The following PCDHA4 variants were observed in gnomAD, a reference collection of about 807,000 sequenced individuals.
The protein encoded by PCDHA4 is protocadherin alpha-4.
A neutral mutation model predicts 61.4 loss-of-function variants in PCDHA4; 49 were observed. That is an observed-to-expected ratio of 0.80 (90% CI 0.63 to 1.01). PCDHA4 has a LOEUF of 1.01. PCDHA4 is among the 50% of genes least tolerant of loss of function. The pLI, the probability that PCDHA4 is intolerant of heterozygous loss-of-function variation, is 0.00. For synonymous variants in PCDHA4, 590 were observed against 550.3 expected (o/e 1.07, Z -1.01); for missense variants, 1,254 against 1,235.8 (o/e 1.01, Z -0.22).
In PCDHA4 at chr5:140,917,987, A is replaced by G. The variant is rs140618239; in HGVS notation, c.2386-60962A>G. 3.9e-3 allele frequency among the ~76,000 whole-genome samples: 598 copies of G among 152,198 alleles called. 2 individuals are homozygous for G. The highest frequency in any genetic ancestry group is 5.9e-3 in the Admixed American group (90 of 15,276). ...GAATCTGTGAATTGCTTTGGACAGT[A>G]TGGTTATCTTAACAATGTTGTTTCT... On this transcript the variant is annotated intron_variant, in intron 1 of 3. Coordinates refer to ENST00000530339, the MANE Select transcript of PCDHA4 (RefSeq NM_018907.4).
At chr5:141,006,406 G>A (rs553100919) in intron 3 of PCDHA4, among the ~76,000 whole-genome samples, 1 of 152,050 alleles carries the variant, frequency 6.6e-6, no homozygotes, top group East Asian at 1.9e-4. Context: ...GTAGAGACGC[G>A]GTTTCACTGT....
intron 3 of PCDHA4, 155 bp downstream of exon 3, chr5:140,982,718 T>A: frequency 1.1e-6 from 1 of 924,050 alleles, no homozygotes; most frequent in Non-Finnish European, 1.3e-6. Flanking sequence ...CATATATGAT[T>A]ATTTTGATTT....
At chr5:140,975,940 G>A (rs562983011) in intron 1 of PCDHA4, among the ~76,000 whole-genome samples, 1 of 152,216 alleles carries the variant, frequency 6.6e-6, no homozygotes, top group Admixed American at 6.5e-5. Flanking sequence ...TGAAGCAATA[G>A]GACATATTAG....
chr5:140,971,420 TGAA>T (rs782149033), intron 1 of PCDHA4, among the ~76,000 whole-genome samples: 3 of 152,112 alleles, frequency 2.0e-5, no homozygotes, highest in Non-Finnish European at 4.4e-5. Flanking sequence ...GGAAATCCAG[TGAA>T]GAACCCCAAG....
At chr5:140,869,811 C>T (rs1554163508) in intron 1 of PCDHA4, 10 of 1,612,246 alleles carry the variant, frequency 6.2e-6, no homozygotes, top group African/African-American at 2.7e-5. Context: ...TGGATGTCAA[C>T]GACAATGATC....
At chr5:140,967,708 C>A (rs782464741) in intron 1 of PCDHA4, 1 of 1,614,158 alleles carries the variant, frequency 6.2e-7, no homozygotes, top group Admixed American at 1.7e-5. Context: ...ATGCCAGTAC[C>A]GGGGAAGTGC....
chr5:140,850,459 G>T (rs868917699), intron 1 of PCDHA4: 1 of 1,597,898 alleles, frequency 6.3e-7, no homozygotes, highest in Admixed American at 1.7e-5. Flanking sequence ...AAAGACCACG[G>T]GGAGCCAGCG....
chr5:140,813,460 T>A (rs1554126200), intron 1 of PCDHA4: 1 of 152,200 alleles, frequency 6.6e-6, no homozygotes, highest in Non-Finnish European at 1.5e-5. Flanking sequence ...CAATGGTAAG[T>A]ATTTGTATAC....
intron 1 of PCDHA4, among the ~76,000 whole-genome samples, chr5:140,903,708 T>C (rs1460220411): frequency 1.3e-5 from 2 of 152,212 alleles, no homozygotes; most frequent in Non-Finnish European, 2.9e-5. Context: ...AGTAATAAAA[T>C]ATACAATTCT....
At chr5:140,905,635 A>T (rs2071990855) in intron 1 of PCDHA4, among the ~76,000 whole-genome samples, 1 of 152,206 alleles carries the variant, frequency 6.6e-6, no homozygotes, top group Non-Finnish European at 1.5e-5. Context: ...CAGTATGGTC[A>T]GTTTCACAGT....
At position 140,807,230 on chromosome 5, in the gene PCDHA4, C is replaced by G; in HGVS notation, c.43C>G (p.Leu15Val). ...WGSGQESRRL[L>V]LLLLLLAAWE... ...AAGCGGCCAGGAATCCCGGCGTCTGCTGCTCTTACTTCTTCTCCTCGCAGC... is the reference window on the plus strand; with the variant it reads ...AAGCGGCCAGGAATCCCGGCGTCTGGTGCTCTTACTTCTTCTCCTCGCAGC... The change falls in exon 1 of 4, where the codon CTG becomes GTG. Residue 15 changes from leucine (L) to valine (V), a missense_variant. Transcript: ENST00000530339. 1 of 1,614,194 alleles carries G rather than the reference C, an allele frequency of 6.2e-7. No individual in the cohort carries two copies. Among genetic ancestry groups the G allele is most frequent in the Non-Finnish European group, 8.5e-7 (1 of 1,180,022 alleles).
chr5:140,858,741 A>G, intron 1 of PCDHA4: 1 of 467,024 alleles, frequency 2.1e-6, no homozygotes, highest in Middle Eastern at 5.8e-4. Flanking sequence ...TACTTTCATA[A>G]TCACTTTTCG....
Position 140,808,113 on chromosome 5 carries a change from A to C in PCDHA4, c.926A>C (p.Asp309Ala), listed in dbSNP as rs782066312. 6.2e-6 allele frequency: 10 copies of C among 1,613,798 alleles called. No homozygotes were observed. The Admixed American group carries it at 6.7e-5, about 11-fold the overall frequency. ...CAAATTATTGTAAAGGGATATATTG[A>C]CTTTGAAGAAAGCAAATCCTATGAA... ...TGQIIVKGYI[D>A]FEESKSYEII... The change falls in exon 1 of 4, where the codon GAC (aspartate) becomes GCC (alanine). Residue 309 changes from aspartate to alanine, a missense_variant. Transcript: ENST00000530339.
intron 1 of PCDHA4, chr5:140,866,579 G>A (rs2049440989): frequency 6.6e-6 from 1 of 152,136 alleles, no homozygotes; most frequent in African/African-American, 2.4e-5. Context: ...ACAGTGGTTG[G>A]ATAATGTAAT....
At chr5:140,979,051 G>T (rs1554240209) in intron 2 of PCDHA4, 44 bp downstream of exon 2, 1 of 1,609,534 alleles carries the variant, frequency 6.2e-7, no homozygotes, top group South Asian at 1.1e-5. Flanking sequence ...ACCTTAACTT[G>T]GTATGGCTCA....
At chr5:140,832,862 T>C (rs1232593064) in intron 1 of PCDHA4, among the ~76,000 whole-genome samples, 2 of 152,192 alleles carry the variant, frequency 1.3e-5, no homozygotes, top group African/African-American at 2.4e-5. Flanking sequence ...AGAGTCATGA[T>C]GTTTTACTGG....
chr5:140,856,396 C>T, intron 1 of PCDHA4: 1 of 1,598,526 alleles, frequency 6.3e-7, no homozygotes, highest in Non-Finnish European at 8.6e-7. Context: ...TGCAGGTTTT[C>T]CATGTGGACG....
At chr5:140,844,441 GTTGTA>G (rs1554140652) in intron 1 of PCDHA4, among the ~76,000 whole-genome samples, 1 of 149,004 alleles carries the variant, frequency 6.7e-6, no homozygotes, top group East Asian at 1.9e-4. Flanking sequence ...GATTTTTACA[GTTGTA>G]TTGTCGCCAA....
intron 3 of PCDHA4, among the ~76,000 whole-genome samples, chr5:141,005,547 C>A (rs2098220537): frequency 6.6e-6 from 1 of 150,736 alleles, no homozygotes; most frequent in South Asian, 2.1e-4. Flanking sequence ...ACTAAAAATA[C>A]AAAAATTAGC....
Sources: gnomAD v4.1 joint callset for allele counts (sites outside exome capture counted in the v4.1 genomes callset) on GRCh38, gnomAD v4.1.1 for gene constraint, MANE v1.5 for transcripts, NCBI Gene and HGNC (gene_info 2026-07-23, HGNC 2026-07-21) for gene names.